PACS2: variants seen among roughly 807,000 people sequenced by gnomAD.
The protein encoded by PACS2 is PACS1-like protein.
Under a neutral mutation model 113.0 loss-of-function variants are expected in PACS2, and 36 were observed. That is an observed-to-expected ratio of 0.32 (90% CI 0.24 to 0.42). The LOEUF is 0.42. Ranked by LOEUF, PACS2 falls within the 10% of genes least tolerant of loss-of-function variation. PACS2 has a pLI of 1.00. For missense variants in PACS2, 1,015 were observed against 1,239.5 expected, an observed-to-expected ratio of 0.82 and a Z score of 2.72; for synonymous variants, 589 against 536.1, an observed-to-expected ratio of 1.10 and a Z score of -1.36.
chr14:105,384,815 C>T (rs997085715), intron 17 of PACS2, 64 bp from the exon 18 acceptor site: 5 of 1,111,114 alleles, frequency 4.5e-6, no homozygotes, highest in Non-Finnish European at 6.7e-6. Context: ...GGAGGCCCAG[C>T]TTAGCCCCGC....
intron 12 of PACS2, 62 bp from the exon 13 acceptor site, chr14:105,381,852 G>A: frequency 1.4e-6 from 2 of 1,468,606 alleles, no homozygotes; most frequent in Non-Finnish European, 1.8e-6. Flanking sequence ...GCCTGCCCCT[G>A]CCTCTGCCCC....
intron 20 of PACS2, 27 bp downstream of exon 20, chr14:105,390,030 G>A (rs2081303985): frequency 6.2e-7 from 1 of 1,606,758 alleles, no homozygotes; most frequent in Non-Finnish European, 8.5e-7. Context: ...TTTATGTGAT[G>A]GGAAACCGCA....
chr14:105,385,107 G>C, intron 18 of PACS2, 120 bp downstream of exon 18: 1 of 697,252 alleles, frequency 1.4e-6, no homozygotes, highest in Non-Finnish European at 2.6e-6. Context: ...ACCGGGCTTA[G>C]ACCAGAGCCT....
intron 12 of PACS2, among the ~76,000 whole-genome samples, 186 bp from the exon 13 acceptor site, chr14:105,381,728 C>T (rs1484262089): frequency 6.6e-6 from 1 of 152,258 alleles, no homozygotes; most frequent in African/African-American, 2.4e-5. Flanking sequence ...TCAGCTGCTG[C>T]TGTGGCCCTC....
rs1328362306 is a variant in PACS2, at chr14:105,396,995, GCTCCATC to G, written c.*2326_*2332del. 2.0e-5 allele frequency: 3 copies of G among 152,288 alleles called. No homozygotes were observed. The highest frequency in any genetic ancestry group is 6.5e-5 in the Admixed American group (1 of 15,286). 9.4% of individuals were successfully genotyped at this position (152,288 alleles called of 1,614,324 possible). A position where few individuals can be genotyped will look rare whatever the true frequency, so the allele number is the denominator to read the frequency against. ...CCCGTACCTCCCATCTGGCTGCACA[GCTCCATC>G]CTTAGCCACGCAAGGGGAGAACATG... On this transcript the variant is annotated 3_prime_UTR_variant, in exon 25 of 25. Coordinates refer to ENST00000447393, the MANE Select transcript of PACS2 (RefSeq NM_001100913.3).
At position 105,396,288 on chromosome 14, in the gene PACS2, G is replaced by A. The variant is rs587695172; in HGVS notation, c.*1616G>A. 4 of 152,396 alleles carry A rather than the reference G, an allele frequency of 2.6e-5. No individual in the cohort carries two copies. Among genetic ancestry groups the A allele is most frequent in the Admixed American group, 2.0e-4 (3 of 15,308 alleles). 9.4% of individuals were successfully genotyped at this position (152,396 alleles called of 1,614,324 possible). On this transcript the variant is annotated 3_prime_UTR_variant, in exon 25 of 25. Transcript: ENST00000447393. ...CTCCTTCACCTGGGACCAGGAGCCT[G>A]GGGCACACCCCAGGGTGGGGGAGAG...
In PACS2 at chr14:105,391,720, A is replaced by AC. The variant is rs781949025; in HGVS notation, c.2213dup (p.Pro739AlafsTer105). Reference sequence around the variant, plus strand: ...TCCTGCGGCCAAGGAGGCCTCACCCACCCCGCCCTCCTCCCCGTCGGTGAG... The same window carrying AC: ...TCCTGCGGCCAAGGAGGCCTCACCCACCCCCGCCCTCCTCCCCGTCGGTGAG... On this transcript the variant is annotated frameshift_variant, in exon 22 of 25. Coordinates refer to ENST00000447393, the MANE Select transcript of PACS2 (RefSeq NM_001100913.3). LOFTEE classifies it high-confidence loss of function. The AC allele has an allele frequency of 6.3e-7, 1 of 1,595,964 alleles. No homozygotes were observed. Among genetic ancestry groups the AC allele is most frequent in the African/African-American group, 1.3e-5 (1 of 74,216 alleles).
chr14:105,380,768 G>A (rs912209928), intron 11 of PACS2, among the ~76,000 whole-genome samples, 189 bp from the exon 12 acceptor site: 1 of 152,210 alleles, frequency 6.6e-6, no homozygotes, highest in African/African-American at 2.4e-5. Flanking sequence ...TGCATGGCCC[G>A]GATGGGAGCC....
In PACS2 at chr14:105,392,490, C is replaced by T. The variant is rs2081393716; in HGVS notation, c.2256-129C>T. The T allele has an allele frequency of 4.0e-6, 3 of 746,164 alleles. No homozygotes were observed. In the Middle Eastern group the frequency reaches 8.3e-4, roughly 208 times the overall value. 46.2% of individuals were successfully genotyped at this position (746,164 alleles called of 1,614,324 possible). A position where few individuals can be genotyped will look rare whatever the true frequency, so the allele number is the denominator to read the frequency against. On this transcript the variant is annotated intron_variant, in intron 22 of 24. Transcript: ENST00000447393. ...GCTCCACAGAGCATGCTCCAAGCAC[C>T]CGGCCCTCCTCTGCTGGCAAGTTGG...
chr14:105,301,627 C>T (rs1595506469), intron 1 of PACS2, among the ~76,000 whole-genome samples: 1 of 152,370 alleles, frequency 6.6e-6, no homozygotes, highest in South Asian at 2.1e-4. Context: ...CGCCCAGGTT[C>T]CAGAGCCTCC....
chr14:105,318,412 C>G (rs2058750076), intron 1 of PACS2, among the ~76,000 whole-genome samples: 1 of 152,166 alleles, frequency 6.6e-6, no homozygotes, highest in Non-Finnish European at 1.5e-5. Context: ...TCCTGAGCAG[C>G]TGGGACTACA....
rs2061086842 is a variant in PACS2 at position 105,369,907 on chromosome 14, G to GC, written c.801+8dup. On this transcript the variant is annotated splice_region_variant and intron_variant, in intron 8 of 24. Transcript: ENST00000447393. ...GTTCAAAGTGTCCGACGAGGTGAGTGCGCCGCGCCTTCTGCTCGCGGCCCC... is the reference window on the plus strand; with the variant it reads ...GTTCAAAGTGTCCGACGAGGTGAGTGCCGCCGCGCCTTCTGCTCGCGGCCCC... 1.3e-5 allele frequency: 21 copies of GC among 1,598,990 alleles called. No individual in the cohort carries two copies. The highest frequency in any genetic ancestry group is 1.7e-4 in the Middle Eastern group (1 of 6,054).
chr14:105,363,375 A>G (rs1289036255), intron 4 of PACS2, among the ~76,000 whole-genome samples: 1 of 152,196 alleles, frequency 6.6e-6, no homozygotes, highest in Admixed American at 6.5e-5. Flanking sequence ...CTTCGTCAAG[A>G]TCTGAACTAG....
chr14:105,319,765 C>T (rs2058819072), intron 1 of PACS2, among the ~76,000 whole-genome samples: 1 of 152,110 alleles, frequency 6.6e-6, no homozygotes, highest in Non-Finnish European at 1.5e-5. Context: ...AGGAAGGTTT[C>T]CAGTGTTTTA....
chr14:105,327,742 G>A (rs984347798), intron 1 of PACS2, among the ~76,000 whole-genome samples: 6 of 152,218 alleles, frequency 3.9e-5, no homozygotes, highest in African/African-American at 1.4e-4. Context: ...GATTGCGACT[G>A]TGGCTCGAGC....
At chr14:105,370,009 C>G in intron 8 of PACS2, 109 bp downstream of exon 8, 5 of 952,876 alleles carry the variant, frequency 5.2e-6, no homozygotes, top group Non-Finnish European at 6.4e-6. Context: ...TGCCGCTCAC[C>G]GTCTGCACGG....
rs781936747 is a variant in PACS2, at chr14:105,384,390, C to T, written c.1818C>T (p.Asp606=). 6.2e-7 allele frequency: 1 copy of T among 1,612,274 alleles called. No individual in the cohort carries two copies. The change falls in exon 17 of 25, where the codon GAC becomes GAT. Residue 606 remains aspartate (D), a synonymous_variant. Transcript: ENST00000447393. ...HPVARYLGSV[D]YRYNNFFQDL... is the part of the protein sequence containing the mutation. ...TGGCCAGGTACCTAGGCTCCGTGGA[C>T]TACCGCTACAACAACTTCTTCCAGG...
At chr14:105,385,663 CT>C (rs1254689253) in intron 18 of PACS2, 21 bp from the exon 19 acceptor site, 18 of 1,514,980 alleles carry the variant, frequency 1.2e-5, no homozygotes, top group Non-Finnish European at 1.6e-5. Flanking sequence ...TCTGTTTTCT[CT>C]TTTGGTGGCT....
At chr14:105,344,784 A>C (rs1333432385) in intron 1 of PACS2, among the ~76,000 whole-genome samples, 1 of 152,066 alleles carries the variant, frequency 6.6e-6, no homozygotes, top group Non-Finnish European at 1.5e-5. Context: ...CCTTTTGCTT[A>C]CTTGGGGTTT....
Sources: allele counts gnomAD v4.1 joint callset (sites outside exome capture counted in the v4.1 genomes callset), GRCh38; gene constraint gnomAD v4.1.1; transcripts MANE v1.5; gene names NCBI Gene and HGNC (gene_info 2026-07-23, HGNC 2026-07-21).